CRYL1: variants seen among roughly 807,000 people sequenced by gnomAD.
The protein encoded by CRYL1 is lambda-crystallin homolog.
Under a neutral mutation model 36.6 loss-of-function variants are expected in CRYL1, and 29 were observed. The observed-to-expected ratio is 0.79, with a 90% confidence interval of 0.59 to 1.08. The LOEUF is 1.08. Ranked by LOEUF, CRYL1 falls within the 50% of genes least tolerant of loss-of-function variation. The probability of loss-of-function intolerance (pLI) is 0.00; values close to 1 mark genes in which losing one functional copy is unlikely to be tolerated. For missense variants in CRYL1, 411 were observed against 407.9 expected, an observed-to-expected ratio of 1.01 and a Z score of -0.06; for synonymous variants, 152 against 151.5, an observed-to-expected ratio of 1.00 and a Z score of -0.02.
intron 3 of CRYL1, among the ~76,000 whole-genome samples, chr13:20,464,854 C>A (rs958877302): frequency 2.0e-5 from 3 of 152,184 alleles, no homozygotes; most frequent in African/African-American, 7.2e-5. Context: ...TTAAAACTTT[C>A]AAGAATATAA....
rs1429968202 is a variant in CRYL1 at position 20,420,702 on chromosome 13, TGTGTGTGTG to T, written c.634-7324_634-7316del. Among the ~76,000 whole-genome samples the T allele has an allele frequency of 1.3e-4, 12 of 93,280 alleles. 1 individual carries two copies. The highest frequency in any genetic ancestry group is 4.7e-4 in the African/African-American group (11 of 23,646). 61.2% of individuals were successfully genotyped at this position (93,280 alleles called of 152,430 possible). A position where few individuals can be genotyped will look rare whatever the true frequency, so the allele number is the denominator to read the frequency against. On this transcript the variant is annotated intron_variant, in intron 5 of 7. Coordinates refer to ENST00000298248, the MANE Select transcript of CRYL1 (RefSeq NM_015974.3). The stretch of plus-strand genomic sequence containing the variant: ...TTTGACTTTTCTTTAAAATAGAGGT[TGTGTGTGTG>T]TGTGTGTGTGTGTGTGTGTGTGTGT...
chr13:20,453,552 TAAAG>T (rs1222302846), intron 3 of CRYL1, among the ~76,000 whole-genome samples: 1 of 151,742 alleles, frequency 6.6e-6, no homozygotes, highest in Non-Finnish European at 1.5e-5. Flanking sequence ...TTTACATTAA[TAAAG>T]AAGAATATCT....
intron 2 of CRYL1, among the ~76,000 whole-genome samples, chr13:20,498,531 A>C (rs760544691): frequency 6.6e-6 from 1 of 152,220 alleles, no homozygotes; most frequent in Non-Finnish European, 1.5e-5. Context: ...ATATAAAATT[A>C]TAAAAGGTTA....
chr13:20,433,970 T>G (rs531423100), intron 4 of CRYL1: 1 of 153,338 alleles, frequency 6.5e-6, no homozygotes, highest in African/African-American at 2.4e-5. Flanking sequence ...AGAATACACC[T>G]GCATGTCTCA....
intron 6 of CRYL1, among the ~76,000 whole-genome samples, chr13:20,408,412 G>A (rs898875974): frequency 5.3e-5 from 8 of 152,162 alleles, no homozygotes; most frequent in Non-Finnish European, 8.8e-5. Context: ...CGATTTCCAC[G>A]CTGCCAGATT....
chr13:20,523,145 G>A (rs941684803), intron 1 of CRYL1, among the ~76,000 whole-genome samples: 2 of 152,020 alleles, frequency 1.3e-5, no homozygotes, highest in Admixed American at 6.6e-5. Flanking sequence ...TCGAACCCCT[G>A]ACCTCAGGTG....
At chr13:20,418,612 C>T (rs1024985086) in intron 5 of CRYL1, 9 of 152,148 alleles carry the variant, frequency 5.9e-5, no homozygotes, top group African/African-American at 1.4e-4. Flanking sequence ...TTTTCATTTG[C>T]TTTTCTCATT....
chr13:20,497,390 CTA>C (rs35572379), intron 2 of CRYL1, among the ~76,000 whole-genome samples: 75 of 3,882 alleles, frequency 0.019, 1 homozygote, highest in East Asian at 0.038. Context: ...CATATACACA[CTA>C]CACACACACC....
At chr13:20,428,117 C>A (rs2031974200) in intron 5 of CRYL1, among the ~76,000 whole-genome samples, 1 of 152,184 alleles carries the variant, frequency 6.6e-6, no homozygotes, top group Non-Finnish European at 1.5e-5. Context: ...AAAAAGTACA[C>A]ACAATCTCTT....
intron 3 of CRYL1, among the ~76,000 whole-genome samples, chr13:20,445,964 C>T (rs2032443969): frequency 6.6e-6 from 1 of 152,158 alleles, no homozygotes; most frequent in South Asian, 2.1e-4. Context: ...GCCAAGAATA[C>T]CGCTTAAATT....
At chr13:20,429,625 T>C (rs1372281808) in intron 5 of CRYL1, among the ~76,000 whole-genome samples, 4 of 152,130 alleles carry the variant, frequency 2.6e-5, no homozygotes, top group Admixed American at 6.5e-5. Context: ...GTAGGCAAGA[T>C]TTCTCTAGGG....
At position 20,503,208 on chromosome 13, in the gene CRYL1, C is replaced by T. The variant is rs143185251; in HGVS notation, c.149+9235G>A. 2.7e-3 allele frequency among the ~76,000 whole-genome samples: 404 copies of T among 152,306 alleles called. 2 individuals carry two copies. Among genetic ancestry groups the T allele is most frequent in the Non-Finnish European group, 4.1e-3 (276 of 68,026 alleles). On this transcript the variant is annotated intron_variant, in intron 2 of 7. Transcript: ENST00000298248. ...AAATGAAGCAATTATTTGATCTGTC[C>T]TAATGACAGCTAAGTGATAGCAGGA...
chr13:20,511,920 C>T lies in CRYL1; in HGVS notation c.149+523G>A, dbSNP rs540083359. On this transcript the variant is annotated intron_variant, in intron 2 of 7. Transcript: ENST00000298248. ...GCACTCTCACACCTTTAACTAGTAC[C>T]GCTGTCACAGTTAATAATAACCACA... Among the ~76,000 whole-genome samples, 83 of 152,322 alleles carry T rather than the reference C, an allele frequency of 5.4e-4. No individual in the cohort carries two copies. In the South Asian group the frequency reaches 0.014, roughly 26 times the overall value.
intron 3 of CRYL1, among the ~76,000 whole-genome samples, chr13:20,448,560 A>T (rs972244762): frequency 6.6e-6 from 1 of 152,236 alleles, no homozygotes; most frequent in Non-Finnish European, 1.5e-5. Flanking sequence ...TGAAAGCAGT[A>T]AGAGGAAAAA....
chr13:20,415,973 G>A lies in CRYL1; in HGVS notation c.634-2586C>T, dbSNP rs1388406786. On this transcript the variant is annotated intron_variant, in intron 5 of 7. Coordinates refer to ENST00000298248, the MANE Select transcript of CRYL1 (RefSeq NM_015974.3). The surrounding 1 kb of genome is among the most constrained non-coding windows in gnomAD (Gnocchi z 4.1). ...CCCTGCGGCCATGAGCCTTTGGCTA[G>A]TCTGGGGCTCCTGTGAGCAGGGCAG... Among the ~76,000 whole-genome samples, 1 of 152,230 alleles carries A rather than the reference G, an allele frequency of 6.6e-6. No homozygotes were observed. Among genetic ancestry groups the A allele is most frequent in the African/African-American group, 2.4e-5 (1 of 41,468 alleles).
At chr13:20,493,321 C>A (rs2033545878) in intron 2 of CRYL1, among the ~76,000 whole-genome samples, 1 of 152,220 alleles carries the variant, frequency 6.6e-6, no homozygotes, top group African/African-American at 2.4e-5. Flanking sequence ...GCTGCAGTAA[C>A]CAGCCCAAGG....
intron 3 of CRYL1, among the ~76,000 whole-genome samples, chr13:20,441,688 C>G (rs1199781702): frequency 6.6e-6 from 1 of 152,166 alleles, no homozygotes; most frequent in Non-Finnish European, 1.5e-5. Flanking sequence ...AACCACCCTT[C>G]AAAAATAAAT....
At chr13:20,431,039 G>C (rs147218730) in intron 5 of CRYL1, 1 of 985,306 alleles carries the variant, frequency 1.0e-6, no homozygotes, top group Non-Finnish European at 1.2e-6. Flanking sequence ...AGGCAACCGC[G>C]TGGCAAATGC....
chr13:20,421,462 T>C (rs2031813270), intron 5 of CRYL1, among the ~76,000 whole-genome samples: 1 of 152,152 alleles, frequency 6.6e-6, no homozygotes, highest in Non-Finnish European at 1.5e-5. Context: ...CCCACATCTT[T>C]ACCCAGAGAT....
Sources: allele counts gnomAD v4.1 joint callset (sites outside exome capture counted in the v4.1 genomes callset), GRCh38; gene constraint gnomAD v4.1.1; non-coding constraint Gnocchi (gnomAD v3.1); transcripts MANE v1.5; gene names NCBI Gene and HGNC (gene_info 2026-07-23, HGNC 2026-07-21).